SASH1: variants seen among roughly 807,000 people sequenced by gnomAD.
SASH1 encodes SAM and SH3 domain-containing protein 1.
SASH1 carries 44 observed loss-of-function variants against 125.2 expected under a neutral mutation model. The ratio of observed to expected loss-of-function variants is 0.35; its 90% CI spans 0.28 to 0.45. The LOEUF (loss-of-function observed/expected upper bound fraction) is 0.45. Among genes scored for constraint, SASH1 ranks in the 20% least tolerant of loss-of-function variants. The probability of loss-of-function intolerance (pLI) is 1.00; values close to 1 mark genes in which losing one functional copy is unlikely to be tolerated. For synonymous variants in SASH1, 639 were observed against 649.1 expected (o/e 0.98, Z 0.24); for missense variants, 1,426 against 1,614.5 (o/e 0.88, Z 2.00).
At position 148,544,114 on chromosome 6, in the gene SASH1, C is replaced by G; in HGVS notation, c.2644C>G (p.Leu882Val). ...CGCCTCTTCCACGAAGGCCCAGCCC[C>G]TGGAGCAAGACTCTGCTGTCGACAA... ...TTASSTKAQP[L>V]EQDSAVDNAL... Residue 882 changes from leucine (L) to valine (V), a missense_variant, in exon 18 of 20, where the codon CTG (leucine) becomes GTG (valine). This residue lies in a region of SASH1 where 634 missense variants were observed against 694.4 expected (regional missense o/e 0.91). Transcript: ENST00000367467. This position sits in a 1 kb window ranked among gnomAD's most constrained non-coding sequence, Gnocchi z 6.4. 1 of 1,614,088 alleles carries G rather than the reference C, an allele frequency of 6.2e-7. No homozygotes were observed. Among genetic ancestry groups the G allele is most frequent in the Non-Finnish European group, 8.5e-7 (1 of 1,179,996 alleles).
At chr6:148,321,519 T>C (rs903168152) in intron 1 of SASH1, among the ~76,000 whole-genome samples, 2 of 152,180 alleles carry the variant, frequency 1.3e-5, no homozygotes, top group East Asian at 3.8e-4. Flanking sequence ...ATACTGCCAT[T>C]TCTGCCTTCA....
intron 1 of SASH1, among the ~76,000 whole-genome samples, chr6:148,363,199 T>C (rs1782309444): frequency 6.6e-6 from 1 of 152,256 alleles, no homozygotes; most frequent in African/African-American, 2.4e-5. Flanking sequence ...TTGAATTCCC[T>C]GTCCTCAATC....
chr6:148,456,039 C>T (rs1421597424), intron 4 of SASH1, among the ~76,000 whole-genome samples: 1 of 152,202 alleles, frequency 6.6e-6, no homozygotes, highest in Non-Finnish European at 1.5e-5. Context: ...CAACGGCCTG[C>T]GTGGCCAGCA....
chr6:148,404,995 A>C (rs1784320502), intron 2 of SASH1, among the ~76,000 whole-genome samples: 1 of 151,930 alleles, frequency 6.6e-6, no homozygotes, highest in South Asian at 2.1e-4. Context: ...AGTGGAACCA[A>C]GCTAGCTCAT....
At chr6:148,445,175 A>T (rs941689809) in intron 4 of SASH1, among the ~76,000 whole-genome samples, 2 of 152,088 alleles carry the variant, frequency 1.3e-5, no homozygotes, top group Non-Finnish European at 2.9e-5. Flanking sequence ...ATCCTGTTTT[A>T]TCGGCAGGAT....
At chr6:148,199,176 G>C in the SASH1 span, among the ~76,000 whole-genome samples, 5 of 152,322 alleles carry the variant, frequency 3.3e-5, no homozygotes, top group South Asian at 1.0e-3. Context: ...GAGGTCAGGA[G>C]TTCGAGACCA....
the SASH1 span, among the ~76,000 whole-genome samples, chr6:148,236,708 G>C: frequency 2.6e-5 from 4 of 152,144 alleles, no homozygotes; most frequent in Non-Finnish European, 5.9e-5. Flanking sequence ...TTGAGCAAGG[G>C]GGCCCACAGA....
At chr6:148,546,602 A>T (rs1782588468) in intron 19 of SASH1, among the ~76,000 whole-genome samples, 1 of 152,234 alleles carries the variant, frequency 6.6e-6, no homozygotes, top group Admixed American at 6.5e-5. Flanking sequence ...GTTAATAACA[A>T]TGTATACTTG....
chr6:148,350,906 T>G (rs1343546822), intron 1 of SASH1, among the ~76,000 whole-genome samples: 2 of 152,246 alleles, frequency 1.3e-5, no homozygotes. Flanking sequence ...TTCACTTTTG[T>G]AAGAAGACCT....
At chr6:148,461,427 A>T (rs773883989) in intron 4 of SASH1, among the ~76,000 whole-genome samples, 58 of 152,182 alleles carry the variant, frequency 3.8e-4, no homozygotes, top group Non-Finnish European at 7.3e-4. Context: ...GATATTGATT[A>T]TTCCTGGAGT....
chr6:148,321,743 C>T (rs76085626), intron 1 of SASH1, among the ~76,000 whole-genome samples: 2,053 of 152,236 alleles, frequency 0.013, 28 homozygotes, highest in Non-Finnish European at 0.019. Flanking sequence ...TGAAATCCAT[C>T]GAAGATGGTC....
intron 1 of SASH1, among the ~76,000 whole-genome samples, chr6:148,314,612 T>C (rs1780430135): frequency 6.6e-6 from 1 of 152,146 alleles, no homozygotes; most frequent in East Asian, 1.9e-4. Flanking sequence ...AAACAAAAGT[T>C]TGGAAATAGG....
chr6:148,508,815 G>T, intron 8 of SASH1: 5 of 676,548 alleles, frequency 7.4e-6, no homozygotes, highest in Non-Finnish European at 1.1e-5. Context: ...CGAGTGGGGA[G>T]GGGGGTGGGA....
intron 1 of SASH1, among the ~76,000 whole-genome samples, chr6:148,302,662 T>TATAC (rs761918888): frequency 6.0e-5 from 4 of 66,780 alleles, no homozygotes; most frequent in Non-Finnish European, 1.2e-4. Flanking sequence ...TGTATATATA[T>TATAC]ACACACACAC....
At chr6:148,457,180 C>T (rs991863876) in intron 4 of SASH1, among the ~76,000 whole-genome samples, 10 of 151,660 alleles carry the variant, frequency 6.6e-5, no homozygotes, top group Admixed American at 3.9e-4. Flanking sequence ...GGCCCCCTCC[C>T]CCGCCCCTTT....
At chr6:148,524,377 CATT>C in intron 10 of SASH1, 1 of 151,998 alleles carries the variant, frequency 6.6e-6, no homozygotes, top group East Asian at 1.9e-4. Context: ...TTAGCTGTAA[CATT>C]AATGTGTGTT....
chr6:148,340,464 C>T (rs1373917102), upstream of SASH1, among the ~76,000 whole-genome samples: 6 of 145,418 alleles, frequency 4.1e-5, no homozygotes, highest in East Asian at 1.2e-3. Flanking sequence ...GCCTGGGCGA[C>T]AGGGTGACAG....
chr6:148,333,342 G>T (rs961262956), intron 1 of SASH1, among the ~76,000 whole-genome samples: 12 of 152,072 alleles, frequency 7.9e-5, no homozygotes, highest in Non-Finnish European at 1.6e-4. Flanking sequence ...GAGCCCAGGT[G>T]TTCAAGCCAC....
chr6:148,336,176 CTTTTTT>C lies in SASH1; in HGVS notation n.75-53938_75-53933del, dbSNP rs61290611. Among the ~76,000 whole-genome samples, 461 of 70,756 alleles carry C rather than the reference CTTTTTT, an allele frequency of 6.5e-3. 1 individual carries two copies. Among genetic ancestry groups the C allele is most frequent in the African/African-American group, 0.025 (437 of 17,408 alleles). The allele number at this position is 70,756 out of a possible 152,430, so 46.4% of individuals were successfully genotyped here. ...GTGCTTTCTATTATGAAACTGCATC[CTTTTTT>C]TTTTTTTTTTTTTTTTTTTGAGACA... On this transcript the variant is annotated intron_variant and non_coding_transcript_variant, in intron 1 of 3. Transcript: ENST00000367469.
Sources: allele counts gnomAD v4.1 joint callset (sites outside exome capture counted in the v4.1 genomes callset), GRCh38; gene constraint gnomAD v4.1.1; regional missense constraint gnomAD v4.1.1; non-coding constraint Gnocchi (gnomAD v3.1); transcripts MANE v1.5; gene names NCBI Gene and HGNC (gene_info 2026-07-23, HGNC 2026-07-21).